The following NFIA variants were observed in gnomAD, a reference collection of about 807,000 sequenced individuals.
NFIA encodes nuclear factor I A, also known as nuclear factor 1 A-type.
In NFIA, 8 loss-of-function variants were observed where a neutral mutation model predicts 62.8. The ratio of observed to expected loss-of-function variants is 0.13; its 90% confidence interval spans 0.07 to 0.23. The LOEUF (loss-of-function observed/expected upper bound fraction) is 0.23. Ranked by LOEUF, NFIA falls within the 10% of genes least tolerant of loss-of-function variation. NFIA has a pLI of 1.00. For missense variants in NFIA, 410 were observed against 642.1 expected (o/e 0.64, Z 3.91); for synonymous variants, 235 against 238.1 (o/e 0.99, Z 0.12).
At chr1:61,454,389 C>G (rs1447322299) in intron 10 of NFIA, among the ~76,000 whole-genome samples, 1 of 152,146 alleles carries the variant, frequency 6.6e-6, no homozygotes, top group Non-Finnish European at 1.5e-5. Context: ...GATATATGAC[C>G]AGACAATTGC....
intron 10 of NFIA, among the ~76,000 whole-genome samples, chr1:61,450,569 T>A (rs942744896): frequency 6.6e-6 from 1 of 152,190 alleles, no homozygotes; most frequent in Non-Finnish European, 1.5e-5. Context: ...GAGCTGGGCC[T>A]GCAGGGTGCG....
At chr1:61,362,999 T>A (rs2100450111) in intron 6 of NFIA, among the ~76,000 whole-genome samples, 1 of 152,318 alleles carries the variant, frequency 6.6e-6, no homozygotes, top group South Asian at 2.1e-4. Flanking sequence ...CTCATGTTGC[T>A]TTCAAATATA....
Position 61,299,897 on chromosome 1 carries a change from CTGTT to C in NFIA, c.625+22317_625+22320del, listed in dbSNP as rs149376390. On this transcript the variant is annotated intron_variant, in intron 3 of 10. Coordinates refer to ENST00000403491, the MANE Select transcript of NFIA (RefSeq NM_001134673.4). ...CTTCTCATCTCTGAGATTTTTACTT[CTGTT>C]TGTTATGCAGAATATTTTAAAATTA... Among the ~76,000 whole-genome samples, 1,069 of 152,150 alleles carry C rather than the reference CTGTT, an allele frequency of 7.0e-3. 8 individuals carry two copies. The highest frequency in any genetic ancestry group is 9.4e-3 in the Non-Finnish European group (642 of 67,968).
intron 2 of NFIA, among the ~76,000 whole-genome samples, chr1:61,093,621 A>G (rs1048245854): frequency 6.6e-6 from 1 of 152,234 alleles, no homozygotes; most frequent in Non-Finnish European, 1.5e-5. Flanking sequence ...GATAGTAACA[A>G]TATCCTTTAC....
chr1:61,423,755 A>G (rs1218102236), intron 9 of NFIA, among the ~76,000 whole-genome samples: 3 of 152,212 alleles, frequency 2.0e-5, no homozygotes, highest in Non-Finnish European at 4.4e-5. Flanking sequence ...CTGTAGGAAA[A>G]TCAAATTCAA....
chr1:61,189,665 AAAAAAT>A (rs915378837), intron 2 of NFIA, among the ~76,000 whole-genome samples: 3 of 152,174 alleles, frequency 2.0e-5, no homozygotes, highest in African/African-American at 4.8e-5. Context: ...ACTCCATCTC[AAAAAAT>A]AAAAATAAAA....
At chr1:61,102,273 G>GAT (rs1646524459) in intron 2 of NFIA, among the ~76,000 whole-genome samples, 1 of 152,144 alleles carries the variant, frequency 6.6e-6, no homozygotes, top group African/African-American at 2.4e-5. Context: ...AAGCGAACTT[G>GAT]ATATAGTTCA....
chr1:61,387,474 T>TG (rs1350319282), intron 7 of NFIA, among the ~76,000 whole-genome samples: 1 of 111,484 alleles, frequency 9.0e-6, no homozygotes, highest in African/African-American at 3.5e-5. Context: ...CTTTCTTTTT[T>TG]TTTTTTTTTT....
chr1:61,255,226 C>G (rs887408237), intron 2 of NFIA, among the ~76,000 whole-genome samples: 1 of 152,130 alleles, frequency 6.6e-6, no homozygotes, highest in African/African-American at 2.4e-5. Flanking sequence ...CCACCAATCA[C>G]CCCCAGGACC....
At chr1:61,202,779 A>G (rs1652599000) in intron 2 of NFIA, among the ~76,000 whole-genome samples, 1 of 152,248 alleles carries the variant, frequency 6.6e-6, no homozygotes, top group Non-Finnish European at 1.5e-5. Context: ...TAAAATAAAA[A>G]TGAAAGACCC....
In NFIA at chr1:61,317,776, G is replaced by A. The variant is rs897735046; in HGVS notation, c.626-14736G>A. On this transcript the variant is annotated intron_variant, in intron 3 of 10. Transcript: ENST00000403491. ...TCTGTTAAAAATTCCCTGTATGATT[G>A]AAGATCTAAGATATAAAGATTATGT... is the stretch of plus-strand genomic sequence containing the variant. Among the ~76,000 whole-genome samples the A allele has an allele frequency of 5.3e-5, 8 of 152,078 alleles. No homozygotes were observed. In the South Asian group the frequency reaches 1.7e-3, roughly 32 times the overall value.
chr1:61,283,581 CAA>C (rs576613886), intron 3 of NFIA, among the ~76,000 whole-genome samples: 407 of 36,592 alleles, frequency 0.011, no homozygotes, highest in African/African-American at 0.032. Flanking sequence ...GACTCTGTCT[CAA>C]AAAAAAAAAA....
At chr1:61,193,006 A>T (rs1651749141) in intron 2 of NFIA, among the ~76,000 whole-genome samples, 1 of 152,176 alleles carries the variant, frequency 6.6e-6, no homozygotes, top group Non-Finnish European at 1.5e-5. Context: ...TCACTCTTGA[A>T]AACTTTGGTA....
At chr1:61,093,290 G>C (rs1275158190) in intron 2 of NFIA, among the ~76,000 whole-genome samples, 3 of 151,924 alleles carry the variant, frequency 2.0e-5, no homozygotes, top group South Asian at 4.1e-4. Context: ...CCTGTGATTT[G>C]TAATTATTAA....
intron 5 of NFIA, among the ~76,000 whole-genome samples, chr1:61,354,454 A>G (rs1332131000): frequency 6.6e-6 from 1 of 152,148 alleles, no homozygotes; most frequent in South Asian, 2.1e-4. Context: ...TCTCTGTGGC[A>G]GGCACCATAT....
chr1:61,424,288 C>T (rs915209862), intron 9 of NFIA, among the ~76,000 whole-genome samples: 1 of 151,940 alleles, frequency 6.6e-6, no homozygotes, highest in African/African-American at 2.4e-5. Context: ...ATATAAATAC[C>T]TTTCCAGATT....
At chr1:61,357,737 C>T (rs2100440188) in intron 5 of NFIA, among the ~76,000 whole-genome samples, 1 of 152,298 alleles carries the variant, frequency 6.6e-6, no homozygotes, top group African/African-American at 2.4e-5. Context: ...CTTTGCACAG[C>T]ACCTGGCATG....
At chr1:61,372,036 CA>C (rs1238002711) in intron 6 of NFIA, among the ~76,000 whole-genome samples, 1 of 151,662 alleles carries the variant, frequency 6.6e-6, no homozygotes, top group Non-Finnish European at 1.5e-5. Flanking sequence ...TGTTCGGTTC[CA>C]AAAAAAGGTG....
At chr1:61,196,331 T>C (rs892693916) in intron 2 of NFIA, among the ~76,000 whole-genome samples, 6 of 152,182 alleles carry the variant, frequency 3.9e-5, no homozygotes, top group African/African-American at 1.4e-4. Flanking sequence ...CCTTACTTAG[T>C]AAATTCCTAG....
Sources: gnomAD v4.1 joint callset for allele counts (sites outside exome capture counted in the v4.1 genomes callset) on GRCh38, gnomAD v4.1.1 for gene constraint, MANE v1.5 for transcripts, NCBI Gene and HGNC (gene_info 2026-07-23, HGNC 2026-07-21) for gene names.